Variants in ARHGAP5 observed in about 807,000 individuals in gnomAD.
ARHGAP5 encodes Rho GTPase activating protein 5.
ARHGAP5 carries 23 observed loss-of-function variants against 116.6 expected under a neutral mutation model. The ratio of observed to expected loss-of-function variants is 0.20; its 90% CI spans 0.14 to 0.28. The LOEUF (loss-of-function observed/expected upper bound fraction) is 0.28, where lower values mean the gene tolerates loss of function less well. Ranked by LOEUF, ARHGAP5 falls within the 10% of genes least tolerant of loss-of-function variation. ARHGAP5 has a pLI of 1.00. For synonymous variants in ARHGAP5, 574 were observed against 602.0 expected, an observed-to-expected ratio of 0.95 and a Z score of 0.68; for missense variants, 1,405 against 1,774.8, an observed-to-expected ratio of 0.79 and a Z score of 3.74.
chr14:32,108,923 TTGACC>T (rs1879151525), intron 2 of ARHGAP5, among the ~76,000 whole-genome samples: 1 of 152,180 alleles, frequency 6.6e-6, no homozygotes, highest in African/African-American at 2.4e-5. Flanking sequence ...TTGGGCATAC[TTGACC>T]TGACAAAGTA....
chr14:32,154,539 AT>A (rs1407093927), intron 6 of ARHGAP5, 81 bp from the exon 7 acceptor site: 1 of 1,181,724 alleles, frequency 8.5e-7, no homozygotes, highest in African/African-American at 1.5e-5. Flanking sequence ...GTAACATTAA[AT>A]CTGAGATCAT....
At chr14:32,112,541 A>G (rs1050700840) in intron 2 of ARHGAP5, among the ~76,000 whole-genome samples, 1 of 152,226 alleles carries the variant, frequency 6.6e-6, no homozygotes, top group Non-Finnish European at 1.5e-5. Context: ...GCATTTAAGT[A>G]GAAGTTCAGA....
In ARHGAP5 at chr14:32,086,919, A is replaced by G. The variant is rs561071241; in HGVS notation, c.-168-3583A>G. ...AAGCAGCACTATTGCTTAAAAAAGT[A>G]AAAGATTGGGAATGAAGAGATTTTC... On this transcript the variant is annotated intron_variant, in intron 1 of 6. Transcript: ENST00000345122. 5.3e-5 allele frequency among the ~76,000 whole-genome samples: 8 copies of G among 152,268 alleles called. No individual in the cohort carries two copies. The South Asian group carries it at 1.2e-3, about 24-fold the overall frequency.
At chr14:32,141,512 A>T (rs1266608445) in intron 3 of ARHGAP5, among the ~76,000 whole-genome samples, 2 of 152,236 alleles carry the variant, frequency 1.3e-5, no homozygotes, top group Non-Finnish European at 2.9e-5. Context: ...AAATCATACC[A>T]GGACAAAAAG....
chr14:32,107,187 C>T (rs1879058611), intron 2 of ARHGAP5, among the ~76,000 whole-genome samples: 1 of 152,174 alleles, frequency 6.6e-6, no homozygotes, highest in Non-Finnish European at 1.5e-5. Context: ...ATAGTAATTT[C>T]TTCAGTTCTT....
Position 32,159,060 on chromosome 14 carries a change from G to A in ARHGAP5, c.*4112G>A, listed in dbSNP as rs1191265695. ...CATATTCACATCTTAATTAAATTGTGTGAAATTAGTCTTTTGTGGAAATTC... is the reference window on the plus strand; with the variant it reads ...CATATTCACATCTTAATTAAATTGTATGAAATTAGTCTTTTGTGGAAATTC... On this transcript the variant is annotated 3_prime_UTR_variant, in exon 7 of 7. Transcript: ENST00000345122. 2.6e-5 allele frequency: 4 copies of A among 152,034 alleles called. No individual in the cohort carries two copies. Among genetic ancestry groups the A allele is most frequent in the Non-Finnish European group, 5.9e-5 (4 of 67,964 alleles). 9.4% of individuals were successfully genotyped at this position (152,034 alleles called of 1,614,324 possible).
rs1401955356 is a variant in ARHGAP5, at chr14:32,126,751, C to T, written c.3865+9464C>T. ...GAGATAATCATGTTATTTTTCTTTT[C>T]TTTCATTTATTGATGTATTACATGG... On this transcript the variant is annotated intron_variant, in intron 3 of 6. Transcript: ENST00000345122. Among the ~76,000 whole-genome samples, 7 of 151,850 alleles carry T rather than the reference C, an allele frequency of 4.6e-5. No individual in the cohort carries two copies. The East Asian group carries it at 1.4e-3, about 29-fold the overall frequency.
chr14:32,088,094 T>C (rs143488555), intron 1 of ARHGAP5, among the ~76,000 whole-genome samples: 3,206 of 152,124 alleles, frequency 0.021, 110 homozygotes, highest in African/African-American at 0.072. Flanking sequence ...GTTTATGCTA[T>C]TGGAGAGCAG....
At chr14:32,078,839 A>G (rs1329889572) in intron 1 of ARHGAP5, among the ~76,000 whole-genome samples, 1 of 152,220 alleles carries the variant, frequency 6.6e-6, no homozygotes, top group African/African-American at 2.4e-5. Flanking sequence ...TTTGCTGTCA[A>G]TTCTAGTTTA....
intron 2 of ARHGAP5, among the ~76,000 whole-genome samples, chr14:32,094,962 G>C (rs954316486): frequency 2.6e-5 from 4 of 152,006 alleles, no homozygotes. Flanking sequence ...AATGGTATTA[G>C]GCATTTGAAA....
At chr14:32,153,021 G>A (rs1197975475) in intron 6 of ARHGAP5, among the ~76,000 whole-genome samples, 1 of 147,258 alleles carries the variant, frequency 6.8e-6, no homozygotes, top group Non-Finnish European at 1.5e-5. Flanking sequence ...ATTTTCTACT[G>A]GCATTTTAAT....
intron 3 of ARHGAP5, among the ~76,000 whole-genome samples, chr14:32,123,360 CT>C (rs879900535): frequency 6.6e-6 from 1 of 151,086 alleles, no homozygotes; most frequent in Non-Finnish European, 1.5e-5. Context: ...TTGTTTAAAA[CT>C]TTTTTTTTCT....
rs76852059 is a variant in ARHGAP5, at chr14:32,149,176, CT to C, written c.3944-714del. On this transcript the variant is annotated intron_variant, in intron 4 of 6. Transcript: ENST00000345122. ...TTTTCTTTCTAGTTACTTATGGCCT[CT>C]TTTTTTTTTTTCCTCCTCCAAAGAA... Among the ~76,000 whole-genome samples the C allele has an allele frequency of 9.0e-3, 1,294 of 143,676 alleles. 42 individuals carry two copies. In the East Asian group the frequency reaches 0.1, roughly 11 times the overall value. 94.3% of individuals were successfully genotyped at this position (143,676 alleles called of 152,430 possible).
chr14:32,110,093 T>C (rs1237895433), intron 2 of ARHGAP5, among the ~76,000 whole-genome samples: 5 of 152,178 alleles, frequency 3.3e-5, no homozygotes, highest in South Asian at 2.1e-4. Context: ...AGTATCTCTT[T>C]CTGGACCATT....
chr14:32,097,091 A>T (rs1878561235), intron 2 of ARHGAP5, among the ~76,000 whole-genome samples: 1 of 152,180 alleles, frequency 6.6e-6, no homozygotes, highest in African/African-American at 2.4e-5. Flanking sequence ...GAAAACATGA[A>T]TGTGTTTGAA....
intron 3 of ARHGAP5, among the ~76,000 whole-genome samples, chr14:32,130,594 G>GCAGTGGCGCGATCTCAGCT (rs1484472455): frequency 6.6e-6 from 1 of 151,946 alleles, no homozygotes; most frequent in African/African-American, 2.4e-5. Context: ...AGTCTGGAGT[G>GCAGTGGCGCGATCTCAGCT]CAGTGGCGCG....
At chr14:32,104,870 G>A (rs1278961013) in intron 2 of ARHGAP5, among the ~76,000 whole-genome samples, 2 of 152,176 alleles carry the variant, frequency 1.3e-5, no homozygotes, top group Admixed American at 1.3e-4. Context: ...GTCTAGCACA[G>A]TGGCTATCAA....
intron 3 of ARHGAP5, among the ~76,000 whole-genome samples, chr14:32,133,694 A>T (rs1253296870): frequency 2.0e-5 from 3 of 152,192 alleles, no homozygotes; most frequent in Non-Finnish European, 4.4e-5. Flanking sequence ...GTTTTTGCCC[A>T]TTCAGTATGA....
In ARHGAP5 at chr14:32,119,748, T is replaced by C. The variant is rs182391275; in HGVS notation, c.3865+2461T>C. 9.9e-5 allele frequency among the ~76,000 whole-genome samples: 15 copies of C among 152,278 alleles called. No homozygotes were observed. In the East Asian group the frequency reaches 2.9e-3, roughly 29 times the overall value. On this transcript the variant is annotated intron_variant, in intron 3 of 6. Coordinates refer to ENST00000345122, the MANE Select transcript of ARHGAP5 (RefSeq NM_001030055.2). ...TTGTCACGTGGTTTTCTGCATCTGT[T>C]GAGGTTATCTTACGATTGTTTTTTG... is the stretch of plus-strand genomic sequence containing the variant.
Sources: allele counts gnomAD v4.1 joint callset (sites outside exome capture counted in the v4.1 genomes callset), GRCh38; gene constraint gnomAD v4.1.1; transcripts MANE v1.5; gene names NCBI Gene and HGNC (gene_info 2026-07-23, HGNC 2026-07-21).